Variants in GPC5 observed in about 807,000 individuals in gnomAD.
The protein encoded by GPC5 is glypican-5.
GPC5 carries 47 observed loss-of-function variants against 53.9 expected under a neutral mutation model. That is an observed-to-expected ratio of 0.87 (90% CI 0.69 to 1.11). The LOEUF (loss-of-function observed/expected upper bound fraction) is 1.11, where lower values mean the gene tolerates loss of function less well. GPC5 is among the 50% of genes most tolerant of loss of function. The pLI is 0.00. For missense variants in GPC5, 748 were observed against 713.1 expected (o/e 1.05, Z -0.56); for synonymous variants, 286 against 263.3 (o/e 1.09, Z -0.84).
intron 6 of GPC5, among the ~76,000 whole-genome samples, chr13:91,986,061 C>CTTTTTTTTTTTTTTT (rs779259362): frequency 2.1e-5 from 2 of 95,438 alleles, no homozygotes; most frequent in African/African-American, 4.4e-5. Context: ...TTAGCCAATA[C>CTTTTTTTTTTTTTTT]TTTTTTTTTT....
At chr13:92,473,829 T>G (rs1054597712) in intron 7 of GPC5, among the ~76,000 whole-genome samples, 12 of 152,242 alleles carry the variant, frequency 7.9e-5, no homozygotes, top group African/African-American at 2.9e-4. Context: ...ATTATTCATG[T>G]ACTGAGGGAA....
intron 5 of GPC5, among the ~76,000 whole-genome samples, chr13:91,803,865 A>G (rs2038176944): frequency 6.6e-6 from 1 of 152,066 alleles, no homozygotes; most frequent in African/African-American, 2.4e-5. Context: ...AGAAAAATAG[A>G]GAGATGCATA....
chr13:92,068,988 T>C (rs577505660), intron 6 of GPC5, among the ~76,000 whole-genome samples: 1 of 152,086 alleles, frequency 6.6e-6, no homozygotes, highest in Non-Finnish European at 1.5e-5. Flanking sequence ...TACGTTTTCT[T>C]CTATAAGCTT....
intron 3 of GPC5, among the ~76,000 whole-genome samples, chr13:91,696,668 A>T (rs575939523): frequency 4.7e-4 from 71 of 152,274 alleles, no homozygotes; most frequent in Non-Finnish European, 6.6e-4. Flanking sequence ...ATCTGTGGAG[A>T]TACCTGATAT....
At chr13:92,276,711 A>G (rs922792747) in intron 7 of GPC5, among the ~76,000 whole-genome samples, 2 of 152,144 alleles carry the variant, frequency 1.3e-5, no homozygotes, top group African/African-American at 4.8e-5. Context: ...GAATTATTTC[A>G]TCAGAATTAA....
At chr13:91,748,658 A>G (rs1170604968) in intron 4 of GPC5, among the ~76,000 whole-genome samples, 1 of 152,140 alleles carries the variant, frequency 6.6e-6, no homozygotes, top group African/African-American at 2.4e-5. Context: ...ATACAGGGGG[A>G]TTATAATACT....
At chr13:92,180,194 G>A (rs2042136696) in intron 7 of GPC5, among the ~76,000 whole-genome samples, 1 of 152,174 alleles carries the variant, frequency 6.6e-6, no homozygotes, top group Non-Finnish European at 1.5e-5. Flanking sequence ...AGTCCCCACA[G>A]TTAACCTGAT....
chr13:91,895,832 G>A (rs541093017), intron 5 of GPC5, among the ~76,000 whole-genome samples: 1 of 152,034 alleles, frequency 6.6e-6, no homozygotes, highest in Non-Finnish European at 1.5e-5. Context: ...CTGTTGTGGA[G>A]ATCAGAAATC....
At chr13:92,368,135 C>G (rs927259342) in intron 7 of GPC5, among the ~76,000 whole-genome samples, 1 of 151,984 alleles carries the variant, frequency 6.6e-6, no homozygotes, top group Non-Finnish European at 1.5e-5. Context: ...CAAGTGCCCT[C>G]AGCCACGCCT....
intron 7 of GPC5, among the ~76,000 whole-genome samples, chr13:92,575,954 A>G (rs925691619): frequency 6.6e-6 from 1 of 152,146 alleles, no homozygotes; most frequent in African/African-American, 2.4e-5. Flanking sequence ...GACCAAGTGC[A>G]TTCAAGATAA....
At chr13:91,895,483 G>T (rs1243915262) in intron 5 of GPC5, among the ~76,000 whole-genome samples, 2 of 152,104 alleles carry the variant, frequency 1.3e-5, no homozygotes, top group Non-Finnish European at 2.9e-5. Context: ...TCACAGAAAT[G>T]TTTTTTTGTG....
chr13:92,808,023 T>A (rs1877162726), intron 7 of GPC5, among the ~76,000 whole-genome samples: 2 of 152,100 alleles, frequency 1.3e-5, no homozygotes, highest in South Asian at 4.1e-4. Flanking sequence ...GACTGACTAG[T>A]TATATGAATA....
At chr13:92,376,086 T>C (rs752119012) in intron 7 of GPC5, among the ~76,000 whole-genome samples, 7 of 152,198 alleles carry the variant, frequency 4.6e-5, no homozygotes, top group Non-Finnish European at 8.8e-5. Context: ...ATTGAGAAAC[T>C]TTGATAATAC....
intron 6 of GPC5, among the ~76,000 whole-genome samples, chr13:92,038,901 C>T (rs1162153317): frequency 6.6e-6 from 1 of 152,092 alleles, no homozygotes; most frequent in African/African-American, 2.4e-5. Flanking sequence ...CTGAGAAGAA[C>T]GCATCTAAGG....
At chr13:92,469,912 GT>G (rs1300896641) in intron 7 of GPC5, among the ~76,000 whole-genome samples, 6 of 151,980 alleles carry the variant, frequency 3.9e-5, no homozygotes, top group Admixed American at 1.3e-4. Context: ...TATGAAAATT[GT>G]TTTTTCTTTA....
intron 5 of GPC5, among the ~76,000 whole-genome samples, chr13:91,800,158 A>G (rs766034848): frequency 6.6e-6 from 1 of 152,090 alleles, no homozygotes; most frequent in Non-Finnish European, 1.5e-5. Context: ...TATGTGAGTA[A>G]TCTGATTATT....
intron 7 of GPC5, among the ~76,000 whole-genome samples, chr13:92,390,759 T>C (rs1007277501): frequency 6.6e-6 from 1 of 152,278 alleles, no homozygotes; most frequent in African/African-American, 2.4e-5. Flanking sequence ...AGAAGATGAA[T>C]ATGTGTTTTA....
intron 7 of GPC5, among the ~76,000 whole-genome samples, chr13:92,345,573 G>A (rs1255482821): frequency 6.6e-6 from 1 of 152,116 alleles, no homozygotes; most frequent in Non-Finnish European, 1.5e-5. Context: ...CAACTATCTT[G>A]AGACACCCAC....
intron 7 of GPC5, among the ~76,000 whole-genome samples, chr13:92,573,358 G>T (rs1244953396): frequency 6.6e-6 from 1 of 152,166 alleles, no homozygotes; most frequent in African/African-American, 2.4e-5. Context: ...TATGTTAGTA[G>T]TCCAGTTATG....
Sources: gnomAD v4.1 joint callset for allele counts (sites outside exome capture counted in the v4.1 genomes callset) on GRCh38, gnomAD v4.1.1 for gene constraint, MANE v1.5 for transcripts, NCBI Gene and HGNC (gene_info 2026-07-23, HGNC 2026-07-21) for gene names.